NEK11: variants seen among roughly 807,000 people sequenced by gnomAD.
The protein encoded by NEK11 is serine/threonine-protein kinase Nek11.
In NEK11, 72 loss-of-function variants were observed where a neutral mutation model predicts 80.7. The observed-to-expected ratio is 0.89, with a 90% CI of 0.74 to 1.08. The LOEUF is 1.08. Ranked by LOEUF, NEK11 falls within the 50% of genes least tolerant of loss-of-function variation. The pLI, the probability that NEK11 is intolerant of heterozygous loss-of-function variation, is 0.00. For missense variants in NEK11, 764 were observed against 763.6 expected, an observed-to-expected ratio of 1.00 and a Z score of -0.01; for synonymous variants, 251 against 260.7, an observed-to-expected ratio of 0.96 and a Z score of 0.36.
chr3:131,037,312 T>G (rs925890658), intron 3 of NEK11, among the ~76,000 whole-genome samples: 3 of 148,354 alleles, frequency 2.0e-5, no homozygotes, highest in African/African-American at 7.4e-5. Context: ...TGAGACGGAG[T>G]CTTGCTCTGT....
intron 17 of NEK11, among the ~76,000 whole-genome samples, chr3:131,335,338 C>T (rs1223568057): frequency 6.6e-6 from 1 of 152,126 alleles, no homozygotes; most frequent in East Asian, 1.9e-4. Context: ...AAATGTAATC[C>T]AGCATATAAA....
At chr3:131,049,608 T>C (rs2068010783) in intron 3 of NEK11, among the ~76,000 whole-genome samples, 1 of 152,222 alleles carries the variant, frequency 6.6e-6, no homozygotes, top group African/African-American at 2.4e-5. Context: ...TTAGCCCATA[T>C]ATGTTACTCA....
intron 5 of NEK11, among the ~76,000 whole-genome samples, chr3:131,119,395 T>C (rs1173324971): frequency 6.6e-6 from 1 of 152,192 alleles, no homozygotes; most frequent in East Asian, 1.9e-4. Flanking sequence ...TCCAACTATG[T>C]GGTCAATTTT....
intron 17 of NEK11, among the ~76,000 whole-genome samples, chr3:131,310,811 C>T (rs571106903): frequency 2.8e-4 from 43 of 152,182 alleles, no homozygotes; most frequent in Non-Finnish European, 5.7e-4. Flanking sequence ...TTGCATCACC[C>T]AGACTGTGCC....
intron 3 of NEK11, among the ~76,000 whole-genome samples, chr3:131,056,784 AG>A (rs765690055): frequency 6.6e-6 from 1 of 152,164 alleles, no homozygotes; most frequent in Non-Finnish European, 1.5e-5. Flanking sequence ...CCTTGAGAGA[AG>A]ATAACAAAGG....
chr3:131,288,137 C>G (rs2096495700), intron 17 of NEK11, among the ~76,000 whole-genome samples: 1 of 152,216 alleles, frequency 6.6e-6, no homozygotes, highest in South Asian at 2.1e-4. Context: ...CCCACTTGCT[C>G]TCACTCCCAG....
rs1580881571 is a variant in NEK11 at position 131,250,990 on chromosome 3, G to A, written c.1621+7494G>A. Among the ~76,000 whole-genome samples, 3 of 151,964 alleles carry A rather than the reference G, an allele frequency of 2.0e-5. No homozygotes were observed. The East Asian group carries it at 5.8e-4, about 29-fold the overall frequency. ...AGTCATAATAATTTTTTTTAAATGT[G>A]ATGTAACTATATTGGAAAGATGGAG... On this transcript the variant is annotated intron_variant, in intron 16 of 17. Coordinates refer to ENST00000383366, the MANE Select transcript of NEK11 (RefSeq NM_024800.5).
intron 17 of NEK11, among the ~76,000 whole-genome samples, chr3:131,297,795 A>G (rs1394703417): frequency 2.0e-5 from 3 of 152,162 alleles, no homozygotes; most frequent in African/African-American, 7.2e-5. Flanking sequence ...TTATGGTTTC[A>G]GGTCTAATGT....
At position 131,041,016 on chromosome 3, in the gene NEK11, C is replaced by T. The variant is rs181280882; in HGVS notation, c.170+11138C>T. Among the ~76,000 whole-genome samples the T allele has an allele frequency of 4.1e-3, 617 of 152,316 alleles. 16 individuals carry two copies. Among genetic ancestry groups the T allele is most frequent in the Admixed American group, 0.036 (544 of 15,302 alleles). On this transcript the variant is annotated intron_variant, in intron 3 of 17. Coordinates refer to ENST00000383366, the MANE Select transcript of NEK11 (RefSeq NM_024800.5). ...GTGGCCCCACAGCCCTTCATTTCCT[C>T]TCTTCTTTCTTTGCTTATGTCTTTC...
intron 17 of NEK11, among the ~76,000 whole-genome samples, chr3:131,309,486 C>A (rs375209555): frequency 6.6e-6 from 1 of 152,170 alleles, no homozygotes; most frequent in African/African-American, 2.4e-5. Flanking sequence ...CTCCTACTTG[C>A]AGTAGCTCAG....
At chr3:131,335,406 C>T (rs369064828) in intron 17 of NEK11, among the ~76,000 whole-genome samples, 1 of 152,128 alleles carries the variant, frequency 6.6e-6, no homozygotes, top group Non-Finnish European at 1.5e-5. Flanking sequence ...AGGCCTTTGA[C>T]AAAATTCAAC....
chr3:131,166,486 G>T (rs2092248060), intron 12 of NEK11, among the ~76,000 whole-genome samples: 1 of 152,180 alleles, frequency 6.6e-6, no homozygotes, highest in Admixed American at 6.5e-5. Flanking sequence ...ATTATTTAGG[G>T]GTTCTGTGTG....
Position 131,029,814 on chromosome 3 carries a change from G to A in NEK11, c.106G>A (p.Gly36Ser), listed in dbSNP as rs1465947556. 3.7e-6 allele frequency: 6 copies of A among 1,614,202 alleles called. No individual in the cohort carries two copies. In the South Asian group the frequency reaches 4.4e-5, roughly 12 times the overall value. The change falls in exon 3 of 18, where the codon GGC (glycine) becomes AGC (serine). Residue 36 changes from glycine to serine, a missense_variant. Gly to Ser is a moderately conservative substitution (Grantham distance 56, BLOSUM62 0). Coordinates refer to ENST00000383366, the MANE Select transcript of NEK11 (RefSeq NM_024800.5). Reference sequence around the variant, plus strand: ...AAGATACGTGCTTCAACAAAAACTTGGCAGTGGAAGTTTTGGAACTGTCTA... The same window carrying A: ...AAGATACGTGCTTCAACAAAAACTTAGCAGTGGAAGTTTTGGAACTGTCTA... ...ARRYVLQQKL[G>S]SGSFGTVYLV...
intron 17 of NEK11, chr3:131,329,308 C>CTT (rs2097030237): frequency 6.6e-6 from 1 of 152,060 alleles, no homozygotes; most frequent in Non-Finnish European, 1.5e-5. Flanking sequence ...TGTGCTAATT[C>CTT]TTAGAATACT....
At chr3:131,280,596 G>A (rs1003771694) in intron 17 of NEK11, among the ~76,000 whole-genome samples, 1 of 152,248 alleles carries the variant, frequency 6.6e-6, no homozygotes, top group East Asian at 1.9e-4. Flanking sequence ...ATCTCTAGAA[G>A]TTTGGTTTGA....
intron 14 of NEK11, among the ~76,000 whole-genome samples, chr3:131,203,415 A>C: frequency 8.1e-6 from 1 of 122,800 alleles, no homozygotes; most frequent in Non-Finnish European, 1.7e-5. Flanking sequence ...AACATCACAC[A>C]CTGGGGCCTG....
intron 17 of NEK11, among the ~76,000 whole-genome samples, chr3:131,331,670 A>G (rs577225247): frequency 3.9e-5 from 6 of 152,222 alleles, no homozygotes; most frequent in South Asian, 4.1e-4. Flanking sequence ...GCATTGCCTC[A>G]CTCGGGAAGC....
intron 14 of NEK11, among the ~76,000 whole-genome samples, chr3:131,215,340 T>G (rs377736771): frequency 6.7e-4 from 102 of 151,406 alleles, no homozygotes; most frequent in African/African-American, 1.7e-3. Context: ...AGTTAATGGG[T>G]GCAGCACACC....
In NEK11 at chr3:131,155,134, T is replaced by C. The variant is rs748026112; in HGVS notation, c.962+13T>C. On this transcript the variant is annotated intron_variant, in intron 10 of 17. Coordinates refer to ENST00000383366, the MANE Select transcript of NEK11 (RefSeq NM_024800.5). ...TAATTAATGCCATGTAAGTAATTGC[T>C]TTGTTTTTAAAAAGCCCATCGAGTG... The C allele has an allele frequency of 1.3e-6, 2 of 1,559,046 alleles. No individual in the cohort carries two copies. The highest frequency in any genetic ancestry group is 1.8e-6 in the Non-Finnish European group (2 of 1,130,580).
Sources: allele counts gnomAD v4.1 joint callset (sites outside exome capture counted in the v4.1 genomes callset), GRCh38; gene constraint gnomAD v4.1.1; transcripts MANE v1.5; gene names NCBI Gene and HGNC (gene_info 2026-07-23, HGNC 2026-07-21).